The following SLC24A2 variants were observed in gnomAD, a reference collection of about 807,000 sequenced individuals.
SLC24A2 encodes the protein sodium/potassium/calcium exchanger 2.
Under a neutral mutation model 62.0 loss-of-function variants are expected in SLC24A2, and 36 were observed. That is an observed-to-expected ratio of 0.58 (90% CI 0.44 to 0.77). The LOEUF (loss-of-function observed/expected upper bound fraction) is 0.77. SLC24A2 is among the 30% of genes least tolerant of loss of function. The pLI, the probability that SLC24A2 is intolerant of heterozygous loss-of-function variation, is 0.00. For synonymous variants in SLC24A2, 358 were observed against 294.0 expected, an observed-to-expected ratio of 1.22 and a Z score of -2.23; for missense variants, 846 against 817.9, an observed-to-expected ratio of 1.03 and a Z score of -0.42.
chr9:19,930,469 A>T, the SLC24A2 span, among the ~76,000 whole-genome samples: 1,024 of 152,298 alleles, frequency 6.7e-3, 14 homozygotes, highest in African/African-American at 0.023. Flanking sequence ...TAACACAATG[A>T]CAAAACCACC....
chr9:19,953,504 T>G, the SLC24A2 span, among the ~76,000 whole-genome samples: 1 of 152,002 alleles, frequency 6.6e-6, no homozygotes, highest in Non-Finnish European at 1.5e-5. Context: ...AATAAGTACT[T>G]TTCATGACAT....
chr9:19,723,107 G>C (rs1821076348), intron 2 of SLC24A2, among the ~76,000 whole-genome samples: 1 of 152,090 alleles, frequency 6.6e-6, no homozygotes, highest in African/African-American at 2.4e-5. Flanking sequence ...TTAAAGACCT[G>C]TCAATCTAAG....
chr9:20,023,672 G>C, the SLC24A2 span, among the ~76,000 whole-genome samples: 1 of 152,144 alleles, frequency 6.6e-6, no homozygotes. Context: ...TTAGCCTTAA[G>C]GTACCAACTT....
the SLC24A2 span, among the ~76,000 whole-genome samples, chr9:20,209,956 C>T: frequency 6.6e-6 from 1 of 152,218 alleles, no homozygotes; most frequent in Non-Finnish European, 1.5e-5. Flanking sequence ...AGGTATCTCT[C>T]AATACCTCAA....
At chr9:19,548,797 C>A (rs138809985) in intron 8 of SLC24A2, among the ~76,000 whole-genome samples, 66 of 152,350 alleles carry the variant, frequency 4.3e-4, no homozygotes, top group African/African-American at 1.4e-3. Context: ...GGACTTCTCT[C>A]ATTGCTCCCG....
chr9:19,934,210 C>G, the SLC24A2 span, among the ~76,000 whole-genome samples: 8 of 152,164 alleles, frequency 5.3e-5, no homozygotes, highest in Admixed American at 5.2e-4. This position sits in a 1 kb window ranked among gnomAD's most constrained non-coding sequence, Gnocchi z 4.1. Flanking sequence ...CAGCCTGGCT[C>G]TCTGAGAGGT....
At chr9:20,056,140 A>T in the SLC24A2 span, among the ~76,000 whole-genome samples, 1 of 152,186 alleles carries the variant, frequency 6.6e-6, no homozygotes, top group Non-Finnish European at 1.5e-5. Flanking sequence ...GATTTAAATG[A>T]GCTTATATAT....
Position 19,600,462 on chromosome 9 carries a change from C to T in SLC24A2, c.1079-3183G>A, listed in dbSNP as rs143282670. 2.8e-4 allele frequency among the ~76,000 whole-genome samples: 42 copies of T among 152,120 alleles called. No homozygotes were observed. The East Asian group carries it at 6.6e-3, about 24-fold the overall frequency. ...CCAATTGTCTCACAGGGACAGATCTCGATTATGGAAAATATGGTGAAAGTC... is the reference window on the plus strand; with the variant it reads ...CCAATTGTCTCACAGGGACAGATCTTGATTATGGAAAATATGGTGAAAGTC... On this transcript the variant is annotated intron_variant, in intron 4 of 10. Coordinates refer to ENST00000341998, the MANE Select transcript of SLC24A2 (RefSeq NM_020344.4).
chr9:19,806,741 C>T, the SLC24A2 span, among the ~76,000 whole-genome samples: 2 of 152,126 alleles, frequency 1.3e-5, no homozygotes, highest in East Asian at 3.8e-4. Context: ...GAGAGTTAAT[C>T]CATAATCTAA....
At chr9:20,262,630 A>G in the SLC24A2 span, among the ~76,000 whole-genome samples, 2 of 152,220 alleles carry the variant, frequency 1.3e-5, no homozygotes, top group Non-Finnish European at 2.9e-5. Flanking sequence ...TCCACTTATG[A>G]AACCTTATCA....
chr9:19,977,321 C>T, the SLC24A2 span, among the ~76,000 whole-genome samples: 1 of 152,082 alleles, frequency 6.6e-6, no homozygotes, highest in African/African-American at 2.4e-5. Context: ...CAATGAAATA[C>T]TCACAACTGA....
rs780575898 is a variant in SLC24A2, at chr9:19,786,281, C to T, written c.586G>A (p.Val196Ile). 2.5e-6 allele frequency: 4 copies of T among 1,614,128 alleles called. No individual in the cohort carries two copies. The South Asian group carries it at 3.3e-5, about 13-fold the overall frequency. The change falls in exon 2 of 11, where the codon GTA becomes ATA. Residue 196 changes from valine (V) to isoleucine (I), a missense_variant. Val to Ile is a conservative substitution (Grantham distance 29). Transcript: ENST00000341998. This position sits in a 1 kb window ranked among gnomAD's most constrained non-coding sequence, Gnocchi z 5.0. ...CCAACGTTGCTGTGAGCGATAAATA[C>T]CCCTATGAGAGATGTGAAAAGTTCT... ...APELFTSLIG[V>I]FIAHSNVGIG...
intron 2 of SLC24A2, among the ~76,000 whole-genome samples, chr9:19,671,774 G>GCTGGAGTGCAGTGGCACGATATCAGTTC (rs1554695988): frequency 6.2e-5 from 9 of 145,472 alleles, no homozygotes; most frequent in Admixed American, 1.3e-4. Flanking sequence ...ATAGATGCTG[G>GCTGGAGTGCAGTGGCACGATATCAGTTC]ATTTTGTCAA....
the SLC24A2 span, among the ~76,000 whole-genome samples, chr9:19,833,725 G>C: frequency 6.6e-6 from 1 of 152,248 alleles, no homozygotes; most frequent in African/African-American, 2.4e-5. Flanking sequence ...TTTGAAGAGA[G>C]TAGTGGTTCT....
chr9:20,167,794 A>T, the SLC24A2 span, among the ~76,000 whole-genome samples: 3 of 151,934 alleles, frequency 2.0e-5, no homozygotes, highest in Admixed American at 2.0e-4. Flanking sequence ...ATCATAGCTT[A>T]CTGCAGTCTC....
chr9:20,259,860 G>T, the SLC24A2 span, among the ~76,000 whole-genome samples: 1 of 152,180 alleles, frequency 6.6e-6, no homozygotes, highest in Admixed American at 6.5e-5. Flanking sequence ...AGACCAAGGT[G>T]GGAGGACTGC....
the SLC24A2 span, among the ~76,000 whole-genome samples, chr9:20,103,993 G>C: frequency 6.6e-6 from 1 of 152,110 alleles, no homozygotes; most frequent in Non-Finnish European, 1.5e-5. Flanking sequence ...CCAAAACAGA[G>C]AAGTGCTTAA....
At chr9:20,099,107 G>T in the SLC24A2 span, among the ~76,000 whole-genome samples, 1 of 152,200 alleles carries the variant, frequency 6.6e-6, no homozygotes, top group Non-Finnish European at 1.5e-5. Flanking sequence ...GTCACTGGAG[G>T]AAACTAGACA....
At chr9:20,109,365 C>T in the SLC24A2 span, among the ~76,000 whole-genome samples, 1 of 152,220 alleles carries the variant, frequency 6.6e-6, no homozygotes, top group East Asian at 1.9e-4. Context: ...TGGCTGGCAT[C>T]TAGGGACTTG....
Sources: gnomAD v4.1 joint callset for allele counts (sites outside exome capture counted in the v4.1 genomes callset) on GRCh38, gnomAD v4.1.1 for gene constraint, Gnocchi (gnomAD v3.1) non-coding constraint, MANE v1.5 for transcripts, NCBI Gene and HGNC (gene_info 2026-07-23, HGNC 2026-07-21) for gene names.